Variants in SPMIP2 observed in about 807,000 individuals in gnomAD.
The protein encoded by SPMIP2 is sperm microtubule inner protein 2, also known as protein SPMIP2.
At chr4:158,931,564 TATCATC>T in the SPMIP2 span, among the ~76,000 whole-genome samples, 1 of 150,840 alleles carries the variant, frequency 6.6e-6, no homozygotes, top group African/African-American at 2.4e-5. Flanking sequence ...GCCCAGAAAT[TATCATC>T]ATCATTATTA....
the SPMIP2 span, among the ~76,000 whole-genome samples, chr4:158,984,654 G>A: frequency 6.6e-6 from 1 of 151,826 alleles, no homozygotes; most frequent in Non-Finnish European, 1.5e-5. Context: ...GAAATTTATA[G>A]CACTAAATGC....
chr4:158,949,225 T>C, the SPMIP2 span, among the ~76,000 whole-genome samples: 1 of 152,230 alleles, frequency 6.6e-6, no homozygotes, highest in South Asian at 2.1e-4. Context: ...TATTTATTAA[T>C]AGACTGGCCT....
the SPMIP2 span, among the ~76,000 whole-genome samples, chr4:158,985,890 G>T: frequency 1.3e-5 from 2 of 151,704 alleles, no homozygotes; most frequent in Non-Finnish European, 2.9e-5. Flanking sequence ...AAACCCCATT[G>T]TCTCAGCCCA....
chr4:159,046,637 A>G, the SPMIP2 span, among the ~76,000 whole-genome samples: 2 of 152,186 alleles, frequency 1.3e-5, no homozygotes, highest in Non-Finnish European at 1.5e-5. Flanking sequence ...CAGTGGCACA[A>G]TCTTGGCTCA....
chr4:158,972,335 C>T, the SPMIP2 span, among the ~76,000 whole-genome samples: 1 of 152,232 alleles, frequency 6.6e-6, no homozygotes, highest in Non-Finnish European at 1.5e-5. Context: ...GCACTCCAGC[C>T]TGGGCGGCAG....
At chr4:158,978,782 C>A in the SPMIP2 span, among the ~76,000 whole-genome samples, 2 of 152,034 alleles carry the variant, frequency 1.3e-5, no homozygotes, top group African/African-American at 4.8e-5. Context: ...AAATATTCCT[C>A]CATCCCTTTA....
the SPMIP2 span, among the ~76,000 whole-genome samples, chr4:158,940,473 T>C: frequency 6.6e-6 from 1 of 152,110 alleles, no homozygotes; most frequent in Non-Finnish European, 1.5e-5. Context: ...CTTTTTGTGG[T>C]TTTGGCAGCC....
At chr4:159,078,760 A>C in the SPMIP2 span, among the ~76,000 whole-genome samples, 2 of 152,182 alleles carry the variant, frequency 1.3e-5, no homozygotes, top group Non-Finnish European at 2.9e-5. Context: ...GTCCTACACA[A>C]CTTGAACATT....
the SPMIP2 span, among the ~76,000 whole-genome samples, chr4:159,035,453 C>A: frequency 6.6e-6 from 1 of 152,104 alleles, no homozygotes; most frequent in Admixed American, 6.6e-5. Context: ...CACTGTCTTT[C>A]AACATTTCAA....
At chr4:159,026,287 C>T in the SPMIP2 span, 1 of 574,734 alleles carries the variant, frequency 1.7e-6, no homozygotes, top group Non-Finnish European at 3.4e-6. Flanking sequence ...CATAAAAACT[C>T]AGAGCACTTA....
the SPMIP2 span, among the ~76,000 whole-genome samples, chr4:158,978,948 G>A: frequency 6.6e-6 from 1 of 152,188 alleles, no homozygotes; most frequent in Non-Finnish European, 1.5e-5. Context: ...GAATGTTTAA[G>A]TCTGCTGAAG....
At chr4:159,004,725 C>A in the SPMIP2 span, among the ~76,000 whole-genome samples, 1 of 152,148 alleles carries the variant, frequency 6.6e-6, no homozygotes, top group Non-Finnish European at 1.5e-5. Flanking sequence ...CACTGGGTCA[C>A]AATTTCAATA....
the SPMIP2 span, among the ~76,000 whole-genome samples, chr4:158,924,461 C>T: frequency 6.6e-6 from 1 of 152,132 alleles, no homozygotes; most frequent in Admixed American, 6.5e-5. Flanking sequence ...CTTACTGCAA[C>T]CTCTGCCTCC....
the SPMIP2 span, chr4:158,893,804 G>T: frequency 1.2e-6 from 1 of 855,732 alleles, no homozygotes; most frequent in Non-Finnish European, 1.8e-6. Context: ...TAATACATAC[G>T]TCTTGTCACA....
the SPMIP2 span, chr4:158,904,427 T>A: frequency 6.7e-7 from 1 of 1,493,942 alleles, no homozygotes; most frequent in Non-Finnish European, 9.3e-7. Flanking sequence ...AAAACCATGC[T>A]CTTTTAAAGT....
the SPMIP2 span, among the ~76,000 whole-genome samples, chr4:158,929,994 G>A: frequency 6.6e-6 from 1 of 152,082 alleles, no homozygotes; most frequent in Non-Finnish European, 1.5e-5. Context: ...CTCAATTTTT[G>A]TATATCTGAG....
At chr4:159,078,988 C>A in the SPMIP2 span, among the ~76,000 whole-genome samples, 1 of 151,982 alleles carries the variant, frequency 6.6e-6, no homozygotes, top group African/African-American at 2.4e-5. Flanking sequence ...TGTGGTGGTG[C>A]AAGCCTGTAA....
chr4:159,040,858 G>A, the SPMIP2 span, among the ~76,000 whole-genome samples: 1 of 152,268 alleles, frequency 6.6e-6, no homozygotes, highest in Non-Finnish European at 1.5e-5. Context: ...CCAACAACTC[G>A]TCTGAGTAAC....
At chr4:158,905,186 T>C in the SPMIP2 span, 1 of 152,494 alleles carries the variant, frequency 6.6e-6, no homozygotes, top group African/African-American at 2.4e-5. Flanking sequence ...TCTTGGAGTT[T>C]ACCTTGTTTC....
Sources: gnomAD v4.1 joint callset for allele counts (sites outside exome capture counted in the v4.1 genomes callset) on GRCh38, gnomAD v4.1.1 for gene constraint, MANE v1.5 for transcripts, NCBI Gene and HGNC (gene_info 2026-07-23, HGNC 2026-07-21) for gene names.